DAB1: variants seen among roughly 807,000 people sequenced by gnomAD.
The protein encoded by DAB1 is DAB adaptor protein 1, also known as disabled homolog 1.
A neutral mutation model predicts 64.6 loss-of-function variants in DAB1; 15 were observed. The observed-to-expected ratio is 0.23, with a 90% CI of 0.16 to 0.36. The LOEUF (loss-of-function observed/expected upper bound fraction) is 0.36, where lower values mean the gene tolerates loss of function less well. DAB1 is among the 10% of genes least tolerant of loss of function. The probability of loss-of-function intolerance (pLI) is 1.00; values close to 1 mark genes in which losing one functional copy is unlikely to be tolerated. For synonymous variants in DAB1, 235 were observed against 251.9 expected, an observed-to-expected ratio of 0.93 and a Z score of 0.64; for missense variants, 596 against 706.7, an observed-to-expected ratio of 0.84 and a Z score of 1.78.
intron 5 of DAB1, among the ~76,000 whole-genome samples, chr1:57,923,183 C>T (rs889030080): frequency 2.0e-5 from 3 of 152,024 alleles, no homozygotes; most frequent in Non-Finnish European, 2.9e-5. Context: ...AGGCTTTTCA[C>T]AGTTTTGTAT....
At chr1:57,537,248 C>T (rs1490768482) in intron 7 of DAB1, among the ~76,000 whole-genome samples, 14 of 152,150 alleles carry the variant, frequency 9.2e-5, no homozygotes, top group Admixed American at 9.2e-4. Context: ...GTTCCCAAAC[C>T]TGCCTGGTCA....
At chr1:57,413,845 G>T (rs1022221129) in intron 1 of DAB1, among the ~76,000 whole-genome samples, 2 of 151,928 alleles carry the variant, frequency 1.3e-5, no homozygotes, top group Non-Finnish European at 2.9e-5. Flanking sequence ...ATAGGAGTTT[G>T]GAAGAAGTTG....
chr1:58,430,915 C>T (rs763827423), intron 3 of DAB1, among the ~76,000 whole-genome samples: 1 of 152,162 alleles, frequency 6.6e-6, no homozygotes, highest in Non-Finnish European at 1.5e-5. Flanking sequence ...CAAGTCTTTC[C>T]CAGAGGCCCC....
chr1:57,385,979 A>G (rs751849327), intron 1 of DAB1, among the ~76,000 whole-genome samples: 7 of 152,206 alleles, frequency 4.6e-5, no homozygotes, highest in Non-Finnish European at 1.0e-4. Context: ...AGTTAGCAAC[A>G]GCAAAGGTTT....
intron 1 of DAB1, among the ~76,000 whole-genome samples, chr1:57,383,820 A>G (rs1681572649): frequency 6.6e-6 from 1 of 152,220 alleles, no homozygotes; most frequent in South Asian, 2.1e-4. Flanking sequence ...GAAAACACAA[A>G]GGAAAAGTTT....
At position 57,658,177 on chromosome 1, in the gene DAB1, C is replaced by T. The variant is rs116792545; in HGVS notation, n.552-8512G>A. 8.3e-3 allele frequency among the ~76,000 whole-genome samples: 1,261 copies of T among 152,312 alleles called. 17 individuals are homozygous for T. The highest frequency in any genetic ancestry group is 0.029 in the African/African-American group (1,214 of 41,562). On this transcript the variant is annotated intron_variant and non_coding_transcript_variant, in intron 6 of 20. Transcript: ENST00000485760. ...CCAAACACAACTTTGGTACTATTTC[C>T]CTATTTGTTCCAATGACTCTGTGTT...
In DAB1 at chr1:57,015,034, G is replaced by C; in HGVS notation, c.1293C>G (p.Pro431=). 6.2e-7 allele frequency: 1 copy of C among 1,613,924 alleles called. No homozygotes were observed. Among genetic ancestry groups the C allele is most frequent in the Non-Finnish European group, 8.5e-7 (1 of 1,179,874 alleles). Residue 431 remains proline (P), a synonymous_variant, in exon 12 of 15, where the codon CCC becomes CCG. Transcript: ENST00000371236. ...AQPPPVPSRK[P]DQPSLTCTSE... ...AGGTACAGGTGAGGGAGGGCTGGTC[G>C]GGTTTGCGGGAGGGCACGGGCGGAG...
At chr1:58,281,116 C>T (rs890959485) in intron 4 of DAB1, among the ~76,000 whole-genome samples, 4 of 152,176 alleles carry the variant, frequency 2.6e-5, no homozygotes, top group East Asian at 1.9e-4. Context: ...TTATCAAGCA[C>T]GAAGGACAGT....
At chr1:57,772,955 A>G (rs182697889) in intron 6 of DAB1, among the ~76,000 whole-genome samples, 1 of 152,228 alleles carries the variant, frequency 6.6e-6, no homozygotes, top group African/African-American at 2.4e-5. Flanking sequence ...AACTACAGGC[A>G]CACACATACA....
chr1:57,718,624 G>T (rs998466795), intron 6 of DAB1, among the ~76,000 whole-genome samples: 3 of 152,068 alleles, frequency 2.0e-5, no homozygotes, highest in South Asian at 2.1e-4. Context: ...GTATCTAAAA[G>T]ATATGTTCCA....
intron 9 of DAB1, among the ~76,000 whole-genome samples, chr1:57,057,782 G>A (rs989583072): frequency 5.0e-5 from 2 of 39,806 alleles, no homozygotes. Flanking sequence ...TAATTTTTTT[G>A]TATTTTTAGT....
intron 1 of DAB1, chr1:58,542,581 A>G (rs1646639131): frequency 6.6e-6 from 1 of 152,188 alleles, no homozygotes; most frequent in Admixed American, 6.5e-5. Flanking sequence ...AAGACAAAAA[A>G]AAATGGAAAG....
chr1:57,259,396 G>T (rs1466604477), intron 2 of DAB1, among the ~76,000 whole-genome samples: 1 of 152,194 alleles, frequency 6.6e-6, no homozygotes, highest in African/African-American at 2.4e-5. Context: ...CTGTAATTCA[G>T]ATTGGCTGGC....
intron 4 of DAB1, among the ~76,000 whole-genome samples, chr1:58,256,656 A>G (rs1660936080): frequency 6.6e-6 from 1 of 152,220 alleles, no homozygotes; most frequent in South Asian, 2.1e-4. Context: ...CCATGTTTAT[A>G]CTGTCTGTCT....
At chr1:57,271,891 T>C (rs913916636) in intron 2 of DAB1, among the ~76,000 whole-genome samples, 28 of 152,194 alleles carry the variant, frequency 1.8e-4, no homozygotes, top group Non-Finnish European at 3.2e-4. Flanking sequence ...CCATCAGAGC[T>C]GGGCTGAGCT....
intron 4 of DAB1, among the ~76,000 whole-genome samples, chr1:57,111,663 C>T (rs1242511352): frequency 1.3e-5 from 2 of 152,078 alleles, no homozygotes; most frequent in African/African-American, 4.8e-5. Context: ...TATCACATTA[C>T]CCCGAATTTT....
chr1:57,122,609 T>C (rs750459368), intron 4 of DAB1, among the ~76,000 whole-genome samples: 26 of 152,258 alleles, frequency 1.7e-4, no homozygotes, highest in Middle Eastern at 3.4e-3. Flanking sequence ...AAAACCAAAC[T>C]GATGAGTGCC....
chr1:57,688,308 A>T (rs558642093), intron 6 of DAB1, among the ~76,000 whole-genome samples: 37 of 152,260 alleles, frequency 2.4e-4, no homozygotes, highest in South Asian at 2.3e-3. Flanking sequence ...CAAACATTTT[A>T]AAAAAATGCT....
chr1:57,561,492 T>C (rs972765881), intron 7 of DAB1, among the ~76,000 whole-genome samples: 3 of 152,140 alleles, frequency 2.0e-5, no homozygotes, highest in East Asian at 1.9e-4. Context: ...ACAAAGAAAT[T>C]TGGGGAAGAG....
Sources: gnomAD v4.1 joint callset for allele counts (sites outside exome capture counted in the v4.1 genomes callset) on GRCh38, gnomAD v4.1.1 for gene constraint, MANE v1.5 for transcripts, NCBI Gene and HGNC (gene_info 2026-07-23, HGNC 2026-07-21) for gene names.